CR1L: variants seen among roughly 807,000 people sequenced by gnomAD.
The protein encoded by CR1L is complement C3b/C4b receptor 1 like.
Under a neutral mutation model 62.3 loss-of-function variants are expected in CR1L, and 59 were observed. The observed-to-expected ratio is 0.95, with a 90% confidence interval of 0.77 to 1.18. The LOEUF (loss-of-function observed/expected upper bound fraction) is 1.18, where lower values mean the gene tolerates loss of function less well. Ranked by LOEUF, CR1L falls within the 50% of genes most tolerant of loss-of-function variation. The pLI, the probability that CR1L is intolerant of heterozygous loss-of-function variation, is 0.00. For synonymous variants in CR1L, 279 were observed against 248.7 expected, an observed-to-expected ratio of 1.12 and a Z score of -1.15; for missense variants, 700 against 702.8, an observed-to-expected ratio of 1.00 and a Z score of 0.04.
chr1:207,707,754 A>G (rs1476154135), intron 9 of CR1L, among the ~76,000 whole-genome samples: 4 of 150,898 alleles, frequency 2.7e-5, no homozygotes, highest in Admixed American at 2.0e-4. Context: ...GTATTTATAA[A>G]AAACATGCCT....
At chr1:207,679,565 A>G (rs1663763636) in intron 3 of CR1L, among the ~76,000 whole-genome samples, 1 of 152,154 alleles carries the variant, frequency 6.6e-6, no homozygotes, top group African/African-American at 2.4e-5. Flanking sequence ...TACTCTTAAC[A>G]TATTATCCAG....
At chr1:207,683,288 C>T (rs1359626915) in intron 3 of CR1L, among the ~76,000 whole-genome samples, 4 of 152,002 alleles carry the variant, frequency 2.6e-5, no homozygotes, top group African/African-American at 4.8e-5. Flanking sequence ...AGGAATGTGC[C>T]ACCATGCGTG....
At chr1:207,704,994 G>T (rs1482006127) in intron 9 of CR1L, among the ~76,000 whole-genome samples, 1 of 152,190 alleles carries the variant, frequency 6.6e-6, no homozygotes, top group Admixed American at 6.5e-5. Flanking sequence ...AAATCAAGGT[G>T]TTGGGAAGAC....
intron 9 of CR1L, among the ~76,000 whole-genome samples, chr1:207,702,632 G>A (rs4437879): frequency 0.061 from 9,232 of 152,284 alleles, 621 homozygotes; most frequent in East Asian, 0.37. Flanking sequence ...ATGATAAGAA[G>A]GTGAAACAGC....
intron 4 of CR1L, among the ~76,000 whole-genome samples, chr1:207,685,560 T>A (rs1430823900): frequency 6.6e-6 from 1 of 152,208 alleles, no homozygotes; most frequent in Admixed American, 6.5e-5. Flanking sequence ...TCAGTTCTAA[T>A]AGCCATTACA....
At chr1:207,655,257 A>G in intron 1 of CR1L, 1 of 708,238 alleles carries the variant, frequency 1.4e-6, no homozygotes, top group Non-Finnish European at 2.4e-6. Context: ...TTGGAGCAGT[A>G]AGCCCCCAAT....
intron 1 of CR1L, among the ~76,000 whole-genome samples, chr1:207,663,734 G>A (rs1663465265): frequency 6.9e-6 from 1 of 145,932 alleles, no homozygotes; most frequent in Non-Finnish European, 1.6e-5. Context: ...ACTGGGAGCT[G>A]TAGACTGGAG....
chr1:207,694,768 C>T lies in CR1L; in HGVS notation c.862+17C>T, dbSNP rs374899501. 1.2e-6 allele frequency: 2 copies of T among 1,611,660 alleles called. No individual in the cohort carries two copies. The highest frequency in any genetic ancestry group is 1.7e-6 in the Non-Finnish European group (2 of 1,179,710). ...GCTCCAGGGGTGAGTCTGACTGAGG[C>T]CTAGAAGGGCCCTGCCAGTGACATG... On this transcript the variant is annotated intron_variant, in intron 5 of 11. Coordinates refer to ENST00000508064, the MANE Select transcript of CR1L (RefSeq NM_175710.2).
At chr1:207,710,739 C>T in intron 10 of CR1L, 2 of 1,609,492 alleles carry the variant, frequency 1.2e-6, no homozygotes, top group Non-Finnish European at 1.7e-6. Flanking sequence ...TGTGCAATGC[C>T]AGGCCCTGAA....
At chr1:207,647,583 C>T (rs1212263154) in intron 1 of CR1L, among the ~76,000 whole-genome samples, 1 of 152,218 alleles carries the variant, frequency 6.6e-6, no homozygotes, top group East Asian at 1.9e-4. Context: ...TGAACCCTAA[C>T]TCAGTATCCA....
At chr1:207,722,889 G>A (rs1654169844) in intron 11 of CR1L, among the ~76,000 whole-genome samples, 1 of 152,072 alleles carries the variant, frequency 6.6e-6, no homozygotes, top group South Asian at 2.1e-4. Flanking sequence ...TTTATTAAGG[G>A]TTTCATGAGA....
chr1:207,662,873 C>T (rs1017951150), intron 1 of CR1L, among the ~76,000 whole-genome samples: 2 of 152,174 alleles, frequency 1.3e-5, no homozygotes, highest in Non-Finnish European at 2.9e-5. Context: ...ACAGTCAGGA[C>T]CCTCAGCTGC....
chr1:207,704,309 A>G (rs1422199208), intron 9 of CR1L, among the ~76,000 whole-genome samples: 1 of 152,258 alleles, frequency 6.6e-6, no homozygotes, highest in Non-Finnish European at 1.5e-5. Context: ...AAACTTGAAC[A>G]GAAGAGGAGT....
At chr1:207,713,020 G>A (rs1664383033) in intron 10 of CR1L, among the ~76,000 whole-genome samples, 1 of 152,142 alleles carries the variant, frequency 6.6e-6, no homozygotes, top group Non-Finnish European at 1.5e-5. Flanking sequence ...TTAAGGAGCT[G>A]ACCTAGTAGA....
intron 1 of CR1L, 145 bp from the exon 2 acceptor site, chr1:207,677,244 A>C (rs34451130): frequency 0.38 from 272,612 of 714,848 alleles, 57,174 homozygotes; most frequent in Non-Finnish European, 0.4. Flanking sequence ...AATTGCTTGA[A>C]CCTGTGAGGC....
intron 1 of CR1L, among the ~76,000 whole-genome samples, chr1:207,671,044 G>A (rs765002647): frequency 1.7e-4 from 25 of 151,052 alleles, no homozygotes; most frequent in Non-Finnish European, 3.1e-4. Context: ...CTACTTTTTA[G>A]GAAGCCAGTG....
chr1:207,716,073 A>G (rs1453257730), intron 10 of CR1L, among the ~76,000 whole-genome samples: 2 of 152,230 alleles, frequency 1.3e-5, no homozygotes, highest in Non-Finnish European at 2.9e-5. Flanking sequence ...GTATTGAATG[A>G]CATAGGGCTT....
intron 10 of CR1L, among the ~76,000 whole-genome samples, chr1:207,716,422 G>A (rs1413063001): frequency 6.6e-6 from 1 of 152,040 alleles, no homozygotes; most frequent in Non-Finnish European, 1.5e-5. Context: ...CAGAAACTCA[G>A]ATAAAAGTAC....
At chr1:207,702,257 C>T (rs1366824645) in intron 9 of CR1L, among the ~76,000 whole-genome samples, 1 of 151,980 alleles carries the variant, frequency 6.6e-6, no homozygotes, top group Non-Finnish European at 1.5e-5. Context: ...GTTTGGAGTC[C>T]CTACGAACTG....
Sources: allele counts gnomAD v4.1 joint callset (sites outside exome capture counted in the v4.1 genomes callset), GRCh38; gene constraint gnomAD v4.1.1; transcripts MANE v1.5; gene names NCBI Gene and HGNC (gene_info 2026-07-23, HGNC 2026-07-21).